ARVCF: variants seen among roughly 807,000 people sequenced by gnomAD.
The protein encoded by ARVCF is splicing regulator ARVCF.
In ARVCF, 66 loss-of-function variants were observed where a neutral mutation model predicts 90.9. The ratio of observed to expected loss-of-function variants is 0.73; its 90% CI spans 0.60 to 0.89. The LOEUF is 0.89. ARVCF is among the 40% of genes least tolerant of loss of function. ARVCF has a pLI of 0.00. For synonymous variants in ARVCF, 653 were observed against 603.4 expected (o/e 1.08, Z -1.21); for missense variants, 1,469 against 1,382.3 (o/e 1.06, Z -1.00).
At position 19,997,310 on chromosome 22, in the gene ARVCF, T is replaced by C. The variant is rs142187531; in HGVS notation, c.-18-6498A>G. On this transcript the variant is annotated intron_variant, in intron 2 of 19. Coordinates refer to ENST00000263207, the MANE Select transcript of ARVCF (RefSeq NM_001670.3). Reference sequence around the variant, plus strand: ...GGGCAGGCGAGTGTCCCAGCAACTGTCCCTCCTCTGTGGGAGGCATGAGCC... The same window carrying C: ...GGGCAGGCGAGTGTCCCAGCAACTGCCCCTCCTCTGTGGGAGGCATGAGCC... Among the ~76,000 whole-genome samples the C allele has an allele frequency of 3.0e-4, 45 of 152,276 alleles. 1 individual carries two copies. Among genetic ancestry groups the C allele is most frequent in the Admixed American group, 1.9e-3 (29 of 15,304 alleles).
intron 5 of ARVCF, 64 bp from the exon 6 acceptor site, chr22:19,980,306 C>A (rs1184795742): frequency 2.0e-6 from 3 of 1,475,284 alleles, no homozygotes; most frequent in Non-Finnish European, 2.7e-6. Context: ...CTCTGAGCTG[C>A]CCCATCACAC....
intron 11 of ARVCF, among the ~76,000 whole-genome samples, chr22:19,975,440 G>T (rs2518824): frequency 0.58 from 87,968 of 152,034 alleles, 27,635 homozygotes; most frequent in Non-Finnish European, 0.71. Flanking sequence ...GCAAGCCCTC[G>T]GCCTCTCTGT....
At chr22:19,994,726 TG>T (rs1212459858) in intron 2 of ARVCF, among the ~76,000 whole-genome samples, 1 of 4,880 alleles carries the variant, frequency 2.0e-4, no homozygotes, top group Non-Finnish European at 3.5e-4. Context: ...GGTGGGTAGG[TG>T]GGGGGGAATG....
chr22:19,970,654 C>T lies in ARVCF; in HGVS notation c.*102G>A, dbSNP rs1942704392. ...GCGAGGCGCTGCCAACCCCTGCCGC[C>T]AGGGGGCTCCAAGCTCCACGGCACG... On this transcript the variant is annotated 3_prime_UTR_variant, in exon 20 of 20. Transcript: ENST00000263207. 1 of 1,285,528 alleles carries T rather than the reference C, an allele frequency of 7.8e-7. No individual in the cohort carries two copies. Among genetic ancestry groups the T allele is most frequent in the African/African-American group, 1.5e-5 (1 of 65,612 alleles). The allele number at this position is 1,285,528 out of a possible 1,614,324, so 79.6% of individuals were successfully genotyped here.
At position 19,973,256 on chromosome 22, in the gene ARVCF, C is replaced by G. The variant is rs374908033; in HGVS notation, c.2301G>C (p.Pro767=). The G allele has an allele frequency of 6.2e-7, 1 of 1,609,098 alleles. No individual in the cohort carries two copies. Among genetic ancestry groups the G allele is most frequent in the Non-Finnish European group, 8.5e-7 (1 of 1,178,876 alleles). The change falls in exon 14 of 20, where the codon CCG becomes CCC. Residue 767 remains proline (P), a synonymous_variant. Transcript: ENST00000263207. ...NVRNAQAPPR[P]GACLEEDTVV... is the part of the protein sequence containing the mutation. Reference sequence around the variant, plus strand: ...CGGTGTCTTCCTCCAGGCAGGCCCCCGGTCGCGGCGGAGCCTGTGCATTGC... The same window carrying G: ...CGGTGTCTTCCTCCAGGCAGGCCCCGGGTCGCGGCGGAGCCTGTGCATTGC...
At chr22:19,973,556 C>T in intron 13 of ARVCF, 87 bp downstream of exon 13, 1 of 1,523,026 alleles carries the variant, frequency 6.6e-7, no homozygotes, top group Non-Finnish European at 8.8e-7. Context: ...GACTCCCAAA[C>T]CACTCATCCT....
At chr22:19,978,796 C>T in intron 7 of ARVCF, 101 bp downstream of exon 7, 1 of 1,391,032 alleles carries the variant, frequency 7.2e-7, no homozygotes, top group South Asian at 1.4e-5. Flanking sequence ...AGCTCCTAAG[C>T]TCTGGCGCTC....
intron 3 of ARVCF, chr22:19,987,336 C>G (rs1389450022): frequency 2.4e-5 from 5 of 211,276 alleles, no homozygotes; most frequent in Non-Finnish European, 4.1e-5. Flanking sequence ...CCCCCAGAGA[C>G]AGGGGGCGGG....
At chr22:19,998,584 C>T (rs1039646908) in intron 2 of ARVCF, among the ~76,000 whole-genome samples, 1 of 152,192 alleles carries the variant, frequency 6.6e-6, no homozygotes, top group South Asian at 2.1e-4. Context: ...GAGACAGCAC[C>T]GAGAAGCCTC....
downstream of ARVCF, among the ~76,000 whole-genome samples, chr22:19,968,169 C>A (rs9332377): frequency 1.6e-4 from 25 of 152,212 alleles, no homozygotes; most frequent in Admixed American, 3.3e-4. Flanking sequence ...GTGCCTCTCC[C>A]TCATAGGCCT....
rs761218501 is a variant in ARVCF, at chr22:19,978,884, G to A, written c.1580+13C>T. 6.2e-7 allele frequency: 1 copy of A among 1,603,868 alleles called. No individual in the cohort carries two copies. Among genetic ancestry groups the A allele is most frequent in the African/African-American group, 1.3e-5 (1 of 74,764 alleles). ...GTGTGCATGTGGGCTTTAGCACCAG[G>A]TCTGGTCCACACCTCAGGCAGCCCG... On this transcript the variant is annotated intron_variant, in intron 7 of 19. Transcript: ENST00000263207.
At position 19,975,754 on chromosome 22, in the gene ARVCF, T is replaced by C. The variant is rs1327916124; in HGVS notation, c.1892A>G (p.Lys631Arg). The stretch of plus-strand genomic sequence containing the variant: ...GTTCCGGTCCATCTCACCATCCTTC[T>C]TTCCTGGAAGGGAAAGGTGGTGGGA... ...KAKEEWFHQG[K>R]KDGEMDRNFD... Residue 631 changes from lysine (K) to arginine (R), a missense_variant, in exon 11 of 20, where the codon AAG becomes AGG. Lys to Arg is a conservative substitution (Grantham distance 26, BLOSUM62 2). Coordinates refer to ENST00000263207, the MANE Select transcript of ARVCF (RefSeq NM_001670.3). 7 of 1,613,384 alleles carry C rather than the reference T, an allele frequency of 4.3e-6. No individual in the cohort carries two copies. Among genetic ancestry groups the C allele is most frequent in the Non-Finnish European group, 4.2e-6 (5 of 1,179,944 alleles).
chr22:19,971,253 G>C lies in ARVCF; in HGVS notation c.2864C>G (p.Pro955Arg). The stretch of plus-strand genomic sequence containing the variant: ...CTAGACCCAGGAATCAACGGGCTGA[G>C]GCTTAGCGTCCCCTACGGCGTCCAC... ...RLVDAVGDAK[P>R]QPVDSWV The change falls in exon 19 of 20, where the codon CCT becomes CGT. Residue 955 changes from proline (P) to arginine (R), a missense_variant. By Grantham distance (103) the Pro-to-Arg change is moderately radical. Coordinates refer to ENST00000263207, the MANE Select transcript of ARVCF (RefSeq NM_001670.3). 1 of 1,555,894 alleles carries C rather than the reference G, an allele frequency of 6.4e-7. No homozygotes were observed. Among genetic ancestry groups the C allele is most frequent in the Non-Finnish European group, 8.7e-7 (1 of 1,148,982 alleles).
intron 2 of ARVCF, among the ~76,000 whole-genome samples, chr22:19,995,259 C>A: frequency 6.6e-6 from 1 of 151,302 alleles, no homozygotes; most frequent in East Asian, 1.9e-4. Context: ...TGGATGGATA[C>A]GGGTGGTGGT....
rs759510236 is a variant in ARVCF at position 19,971,857 on chromosome 22, G to A, written c.2781+29C>T. Reference sequence around the variant, plus strand: ...CCCCTAGACACGGGGCCTCACCGGGGACCTGCCCACAGCCACATGACCACT... The same window carrying A: ...CCCCTAGACACGGGGCCTCACCGGGAACCTGCCCACAGCCACATGACCACT... On this transcript the variant is annotated intron_variant, in intron 18 of 19. Coordinates refer to ENST00000263207, the MANE Select transcript of ARVCF (RefSeq NM_001670.3). The A allele has an allele frequency of 3.1e-6, 5 of 1,611,104 alleles. No homozygotes were observed. The South Asian group carries it at 3.3e-5, about 11-fold the overall frequency.
intron 1 of ARVCF, among the ~76,000 whole-genome samples, chr22:20,011,212 G>A (rs761126270): frequency 3.3e-5 from 5 of 152,200 alleles, no homozygotes; most frequent in Non-Finnish European, 7.3e-5. Context: ...AGGACCCTGC[G>A]GCTTCCTGTC....
At chr22:20,007,052 G>A (rs963135313) in intron 2 of ARVCF, among the ~76,000 whole-genome samples, 9 of 151,804 alleles carry the variant, frequency 5.9e-5, no homozygotes, top group East Asian at 5.8e-4. Flanking sequence ...CCAGAAGTTC[G>A]AGACCAACCT....
chr22:19,990,502 A>G (rs1943985056), intron 3 of ARVCF, 83 bp downstream of exon 3: 6 of 1,463,000 alleles, frequency 4.1e-6, no homozygotes, highest in Non-Finnish European at 5.6e-6. Context: ...AAGCGAGCGC[A>G]TGCTGGCTTG....
intron 7 of ARVCF, among the ~76,000 whole-genome samples, chr22:19,978,346 G>C (rs903026973): frequency 2.0e-5 from 3 of 152,112 alleles, no homozygotes; most frequent in African/African-American, 7.2e-5. Context: ...AGCTGACCTG[G>C]AAAGGGACAG....
Sources: gnomAD v4.1 joint callset for allele counts (sites outside exome capture counted in the v4.1 genomes callset) on GRCh38, gnomAD v4.1.1 for gene constraint, MANE v1.5 for transcripts, NCBI Gene and HGNC (gene_info 2026-07-23, HGNC 2026-07-21) for gene names.